S100G: variants seen among roughly 807,000 people sequenced by gnomAD.
S100G encodes protein S100-G.
In S100G, 4 loss-of-function variants were observed where a neutral mutation model predicts 4.4. That is an observed-to-expected ratio of 0.91 (90% confidence interval 0.45 to 2.09). S100G has a LOEUF of 2.09. S100G is among the 30% of genes most tolerant of loss of function. The probability of loss-of-function intolerance (pLI) is 0.03; values close to 1 mark genes in which losing one functional copy is unlikely to be tolerated. For missense variants in S100G, 48 were observed against 49.8 expected, an observed-to-expected ratio of 0.96 and a Z score of 0.11; for synonymous variants, 24 against 20.1, an observed-to-expected ratio of 1.20 and a Z score of -0.53.
chrX:16,654,582 C>A lies in S100G; in HGVS notation c.*73C>A. On this transcript the variant is annotated 3_prime_UTR_variant, in exon 3 of 3. Coordinates refer to ENST00000380200, the MANE Select transcript of S100G (RefSeq NM_004057.3). ...GCTGTGGTCTTATCCTATGTGGAATCCCCCAAAGTCTCTGGTTTAATTCTT... is the reference window on the plus strand; with the variant it reads ...GCTGTGGTCTTATCCTATGTGGAATACCCCAAAGTCTCTGGTTTAATTCTT... 1 of 531,546 alleles carries A rather than the reference C, an allele frequency of 1.9e-6. No individual in the cohort carries two copies. The highest frequency in any genetic ancestry group is 3.1e-6 in the Non-Finnish European group (1 of 327,395). The allele number at this position is 531,546 out of a possible 1,213,427, so 43.8% of individuals were successfully genotyped here. A position where few individuals can be genotyped will look rare whatever the true frequency, so the allele number is the denominator to read the frequency against.
At chrX:16,652,513 G>C (rs765723519) in intron 2 of S100G, among the ~76,000 whole-genome samples, 2 of 111,954 alleles carry the variant, frequency 1.8e-5, no homozygotes, top group Admixed American at 9.5e-5. Context: ...AGCAGAAAAA[G>C]GGACTTTTTA....
chrX:16,653,730 G>A (rs1418010538), intron 2 of S100G, among the ~76,000 whole-genome samples: 1 of 112,304 alleles, frequency 8.9e-6, no homozygotes, highest in Non-Finnish European at 1.9e-5. Flanking sequence ...TAAAGCATGG[G>A]AACCATTGAG....
intron 2 of S100G, among the ~76,000 whole-genome samples, chrX:16,651,517 C>T (rs1932631089): frequency 8.9e-6 from 1 of 112,068 alleles, no homozygotes; most frequent in South Asian, 3.7e-4. Context: ...TGTTAGCTGG[C>T]CTTGGACAGG....
chrX:16,653,123 A>G (rs998030177), intron 2 of S100G, among the ~76,000 whole-genome samples: 1 of 110,693 alleles, frequency 9.0e-6, no homozygotes, highest in African/African-American at 3.3e-5. Context: ...TATATATATA[A>G]TATAGTCTAA....
At position 16,654,551 on chromosome X, in the gene S100G, G is replaced by T. The variant is rs751032045; in HGVS notation, c.*42G>T. On this transcript the variant is annotated 3_prime_UTR_variant, in exon 3 of 3. Coordinates refer to ENST00000380200, the MANE Select transcript of S100G (RefSeq NM_004057.3). ...GAACCCTGAGCACTGGAGGAAGAGC[G>T]CCTGTGCTGTGGTCTTATCCTATGT... The T allele has an allele frequency of 1.2e-6, 1 of 826,511 alleles. No homozygotes were observed. The highest frequency in any genetic ancestry group is 1.8e-6 in the Non-Finnish European group (1 of 561,168). The allele number at this position is 826,511 out of a possible 1,213,427, so 68.1% of individuals were successfully genotyped here. A position where few individuals can be genotyped will look rare whatever the true frequency, so the allele number is the denominator to read the frequency against.
intron 2 of S100G, among the ~76,000 whole-genome samples, chrX:16,651,684 G>A (rs896822986): frequency 1.8e-5 from 2 of 112,164 alleles, no homozygotes; most frequent in Non-Finnish European, 1.9e-5. Flanking sequence ...TGAGGCAACC[G>A]TGCATTTCTA....
chrX:16,650,939 C>A, intron 1 of S100G, 60 bp from the exon 2 acceptor site: 1 of 1,028,785 alleles, frequency 9.7e-7, no homozygotes, highest in Non-Finnish European at 1.3e-6. Flanking sequence ...TGCAGACAAC[C>A]CTCAGCACAA....
At chrX:16,652,716 C>G (rs1297295809) in intron 2 of S100G, among the ~76,000 whole-genome samples, 1 of 111,350 alleles carries the variant, frequency 9.0e-6, no homozygotes, top group African/African-American at 3.3e-5. Flanking sequence ...AAGACATAAT[C>G]TGGAACGAGG....
Position 16,654,432 on chromosome X carries a change from C to G in S100G, c.163C>G (p.Gln55Glu), listed in dbSNP as rs1466975354. 8.3e-7 allele frequency: 1 copy of G among 1,200,201 alleles called. No individual in the cohort carries two copies. The highest frequency in any genetic ancestry group is 1.8e-5 in the African/African-American group (1 of 56,839). The change falls in exon 3 of 3, where the codon CAA (glutamine) becomes GAA (glutamate). Residue 55 changes from glutamine (Q) to glutamate (E), a missense_variant. By Grantham distance (29) the Gln-to-Glu change is conservative (BLOSUM62 2). Coordinates refer to ENST00000380200, the MANE Select transcript of S100G (RefSeq NM_004057.3). ...TCCAAACACCCTAGATGATCTCTTT[C>G]AAGAACTGGACAAGAATGGAGATGG... ...KGPNTLDDLF[Q>E]ELDKNGDGEV...
intron 2 of S100G, among the ~76,000 whole-genome samples, chrX:16,652,025 G>T (rs769556636): frequency 6.4e-5 from 7 of 109,622 alleles, no homozygotes; most frequent in Non-Finnish European, 1.1e-4. Flanking sequence ...GGATGGGGGG[G>T]GCCAGTGGAT....
In S100G at chrX:16,654,489, GTAAAA is replaced by G; in HGVS notation, c.221_225del (p.Val74GlufsTer11). 8.5e-7 allele frequency: 1 copy of G among 1,180,804 alleles called. No individual in the cohort carries two copies. Among genetic ancestry groups the G allele is most frequent in the Non-Finnish European group, 1.1e-6 (1 of 870,046 alleles). On this transcript the variant is annotated frameshift_variant, in exon 3 of 3. Coordinates refer to ENST00000380200, the MANE Select transcript of S100G (RefSeq NM_004057.3). LOFTEE classifies it high-confidence loss of function. ...TAGTTTTGAAGAATTCCAAGTATTAGTAAAAAAGATATCCCAGTGAAGGAGAAAAC... is the reference window on the plus strand; with the variant it reads ...TAGTTTTGAAGAATTCCAAGTATTAGAAGATATCCCAGTGAAGGAGAAAAC...
intron 2 of S100G, among the ~76,000 whole-genome samples, chrX:16,651,940 A>G (rs1316061115): frequency 9.1e-6 from 1 of 109,814 alleles, no homozygotes; most frequent in Non-Finnish European, 1.9e-5. Context: ...GACCACTGAA[A>G]CGTGTTCTTG....
At chrX:16,651,190 G>A in intron 2 of S100G, 49 bp downstream of exon 2, 1 of 951,599 alleles carries the variant, frequency 1.1e-6, no homozygotes, top group Non-Finnish European at 1.5e-6. Context: ...TGGTGGGAGG[G>A]GAGGGAGGGA....
intron 2 of S100G, among the ~76,000 whole-genome samples, chrX:16,651,460 G>C (rs1932627685): frequency 8.9e-6 from 1 of 111,909 alleles, no homozygotes; most frequent in East Asian, 2.8e-4. Flanking sequence ...CATGGATTCA[G>C]TACTTCTGTG....
chrX:16,653,894 C>T (rs143173071), intron 2 of S100G, among the ~76,000 whole-genome samples: 13 of 111,418 alleles, frequency 1.2e-4, no homozygotes, highest in East Asian at 8.5e-4. Context: ...GCCTGTTTCC[C>T]CACCTGTAAA....
Position 16,654,467 on chromosome X carries a change from T to C in S100G, c.198T>C (p.Ser66=). The C allele has an allele frequency of 8.3e-7, 1 of 1,199,253 alleles. No homozygotes were observed. Among genetic ancestry groups the C allele is most frequent in the Non-Finnish European group, 1.1e-6 (1 of 885,554 alleles). The part of the protein sequence containing the change: ...ELDKNGDGEV[S]FEEFQVLVKK... ...ACAAGAATGGAGATGGAGAAGTTAG[T>C]TTTGAAGAATTCCAAGTATTAGTAA... The change falls in exon 3 of 3, where the codon AGT becomes AGC. Residue 66 remains serine, a synonymous_variant. Transcript: ENST00000380200.
At chrX:16,651,860 G>T (rs1211561296) in intron 2 of S100G, among the ~76,000 whole-genome samples, 3 of 111,545 alleles carry the variant, frequency 2.7e-5, no homozygotes, top group Admixed American at 1.9e-4. Context: ...TAAAGAAAAA[G>T]CTGAGTCAGG....
At chrX:16,651,941 C>T (rs1056734102) in intron 2 of S100G, among the ~76,000 whole-genome samples, 5 of 109,062 alleles carry the variant, frequency 4.6e-5, no homozygotes, top group Non-Finnish European at 7.6e-5. Flanking sequence ...ACCACTGAAA[C>T]GTGTTCTTGC....
At chrX:16,650,706 A>T (rs1237020609) in intron 1 of S100G, among the ~76,000 whole-genome samples, 1 of 108,858 alleles carries the variant, frequency 9.2e-6, no homozygotes, top group African/African-American at 3.3e-5. Flanking sequence ...GGGTCTCACC[A>T]TGTTGGCCAG....
Sources: gnomAD v4.1 joint callset for allele counts (sites outside exome capture counted in the v4.1 genomes callset) on GRCh38, gnomAD v4.1.1 for gene constraint, MANE v1.5 for transcripts, NCBI Gene and HGNC (gene_info 2026-07-23, HGNC 2026-07-21) for gene names.